TPP1: variants seen among roughly 807,000 people sequenced by gnomAD.
TPP1 encodes the protein tripeptidyl-peptidase 1.
A neutral mutation model predicts 67.6 loss-of-function variants in TPP1; 43 were observed. The ratio of observed to expected loss-of-function variants is 0.64; its 90% CI spans 0.50 to 0.82. The LOEUF (loss-of-function observed/expected upper bound fraction) is 0.82, where lower values mean the gene tolerates loss of function less well. Among genes scored for constraint, TPP1 ranks in the 40% least tolerant of loss-of-function variants. The probability of loss-of-function intolerance (pLI) is 0.00; values close to 1 mark genes in which losing one functional copy is unlikely to be tolerated. For missense variants in TPP1, 671 were observed against 710.9 expected, an observed-to-expected ratio of 0.94 and a Z score of 0.64; for synonymous variants, 272 against 281.5, an observed-to-expected ratio of 0.97 and a Z score of 0.34.
intron 1 of TPP1, 31 bp downstream of exon 1, chr11:6,619,353 C>T (rs751475786): frequency 9.3e-6 from 15 of 1,614,094 alleles, no homozygotes; most frequent in Middle Eastern, 1.6e-4. Flanking sequence ...CCAACGTGAT[C>T]CCTTTCTCCC....
intron 10 of TPP1, 46 bp downstream of exon 10, chr11:6,615,396 C>T: frequency 6.2e-7 from 1 of 1,614,058 alleles, no homozygotes; most frequent in Non-Finnish European, 8.5e-7. Flanking sequence ...CTGAGGATCC[C>T]CCATCCTCAC....
At position 6,617,064 on chromosome 11, in the gene TPP1, C is replaced by T. The variant is rs1288076104; in HGVS notation, c.598G>A (p.Val200Ile). The T allele has an allele frequency of 1.2e-6, 2 of 1,614,128 alleles. No individual in the cohort carries two copies. Among genetic ancestry groups the T allele is most frequent in the Non-Finnish European group, 1.7e-6 (2 of 1,180,000 alleles). Reference sequence around the variant, plus strand: ...CGCTTACGGATCACAGAGGGGGTTACCCCCAGATGCAGGCCTACAGTCCCT... The same window carrying T: ...CGCTTACGGATCACAGAGGGGGTTATCCCCAGATGCAGGCCTACAGTCCCT... ...VTGTVGLHLG[V>I]TPSVIRKRYN... The change falls in exon 6 of 13, where the codon GTA becomes ATA. Residue 200 changes from valine to isoleucine, a missense_variant. By Grantham distance (29) the Val-to-Ile change is conservative. Coordinates refer to ENST00000299427, the MANE Select transcript of TPP1 (RefSeq NM_000391.4).
chr11:6,617,553 C>G, intron 4 of TPP1, 73 bp downstream of exon 4: 1 of 1,613,290 alleles, frequency 6.2e-7, no homozygotes, highest in South Asian at 1.1e-5. Flanking sequence ...CCCCAGCAAG[C>G]TCTCAACTCC....
chr11:6,618,911 G>T lies in TPP1; in HGVS notation c.94C>A (p.Pro32Thr). ...SPEPDQRRTL[P>T]PGWVSLGRAD... Reference sequence around the variant, plus strand: ...CGGCCCAGGGACACCCAGCCTGGGGGCAGCCTGTAGGGTCAGGGGTCAGGG... The same window carrying T: ...CGGCCCAGGGACACCCAGCCTGGGGTCAGCCTGTAGGGTCAGGGGTCAGGG... Residue 32 changes from proline (P) to threonine (T), a missense_variant, in exon 3 of 13, where the codon CCC becomes ACC. Physicochemically the swap from Pro to Thr is conservative, Grantham distance 38 (BLOSUM62 -1). Coordinates refer to ENST00000299427, the MANE Select transcript of TPP1 (RefSeq NM_000391.4). 1 of 1,613,090 alleles carries T rather than the reference G, an allele frequency of 6.2e-7. No homozygotes were observed.
At position 6,615,171 on chromosome 11, in the gene TPP1, C is replaced by G. The variant is rs779333902; in HGVS notation, c.1425G>C (p.Ser475=). The change falls in exon 11 of 13, where the codon TCG becomes TCC. Residue 475 remains serine (S), a splice_region_variant and synonymous_variant. Transcript: ENST00000299427. The stretch of plus-strand genomic sequence containing the variant: ...AGTTTGGAGATGGGCTGATTCTCAC[C>G]GAGGTTCCGGACACCCATGGAATGG... ...RVPIPWVSGT[S]ASTPVFGGIL... is the part of the protein sequence containing the mutation. The G allele has an allele frequency of 1.2e-6, 2 of 1,614,058 alleles. No individual in the cohort carries two copies. Among genetic ancestry groups the G allele is most frequent in the Admixed American group, 3.3e-5 (2 of 60,028 alleles).
Position 6,614,670 on chromosome 11 carries a change from T to A in TPP1, c.1568A>T (p.His523Leu). The A allele has an allele frequency of 6.2e-7, 1 of 1,614,134 alleles. No individual in the cohort carries two copies. Residue 523 changes from histidine (H) to leucine (L), a missense_variant, in exon 13 of 13, where the codon CAT (histidine) becomes CTT (leucine). Physicochemically the swap from His to Leu is moderately conservative, Grantham distance 99. Coordinates refer to ENST00000299427, the MANE Select transcript of TPP1 (RefSeq NM_000391.4). ...AGLFDVTRGC[H>L]ESCLDEEVEG... ...TACCTCTTCATCCAGACAGGACTCA[T>A]GGCAGCCACGGGTTACCTAGGGAGG...
intron 5 of TPP1, 67 bp from the exon 6 acceptor site, chr11:6,617,220 C>A (rs762702090): frequency 6.2e-7 from 1 of 1,613,646 alleles, no homozygotes; most frequent in African/African-American, 1.3e-5. Context: ...ACTCACCCCA[C>A]CCCCAGTCCC....
rs1855590004 is a variant in TPP1 at position 6,616,655 on chromosome 11, TA to T, written c.886+5del. On this transcript the variant is annotated splice_donor_5th_base_variant and intron_variant, in intron 7 of 12. Transcript: ENST00000299427. ...CTTCCCCACTGTCCAGTCCTCTTGG[TA>T]GTACCAGGGCTACTGTAGACCCAGG... 3.1e-6 allele frequency: 5 copies of T among 1,613,876 alleles called. No homozygotes were observed. The African/African-American group carries it at 4.0e-5, about 13-fold the overall frequency.
In TPP1 at chr11:6,615,443, T is replaced by C; in HGVS notation, c.1265A>G (p.Gln422Arg). Residue 422 changes from glutamine to arginine, a missense_variant and splice_region_variant, in exon 10 of 13, where the codon CAG (glutamine) becomes CGG (arginine). Gln to Arg is a conservative substitution (Grantham distance 43). Coordinates refer to ENST00000299427, the MANE Select transcript of TPP1 (RefSeq NM_000391.4). ...ATCCATCCACACAAACACACGTACC[T>C]GGTATGAAGGCCGTGGGAACACATT... ...FSNVFPRPSY[Q>R]EEAVTKFLSS... 6.2e-7 allele frequency: 1 copy of C among 1,614,186 alleles called. No homozygotes were observed. The highest frequency in any genetic ancestry group is 8.5e-7 in the Non-Finnish European group (1 of 1,180,032).
chr11:6,617,943 T>A (rs1056450516), intron 3 of TPP1, 167 bp from the exon 4 acceptor site: 2 of 889,796 alleles, frequency 2.2e-6, no homozygotes, highest in African/African-American at 3.3e-5. Context: ...AAGAAAAGGC[T>A]GGAGAGACTT....
chr11:6,615,988 T>C lies in TPP1; in HGVS notation c.1145+17A>G, dbSNP rs774611561. 1 of 1,613,870 alleles carries C rather than the reference T, an allele frequency of 6.2e-7. No homozygotes were observed. The highest frequency in any genetic ancestry group is 1.1e-5 in the South Asian group (1 of 91,082). ...AAAGGTGGTGGTTATACCTGAGTGGTAGGCTAGAGTACTTACCTGGAGGCA... is the reference window on the plus strand; with the variant it reads ...AAAGGTGGTGGTTATACCTGAGTGGCAGGCTAGAGTACTTACCTGGAGGCA... On this transcript the variant is annotated intron_variant, in intron 9 of 12. Transcript: ENST00000299427.
chr11:6,616,403 C>A lies in TPP1; in HGVS notation c.987G>T (p.Glu329Asp). The A allele has an allele frequency of 6.2e-7, 1 of 1,613,972 alleles. No homozygotes were observed. The highest frequency in any genetic ancestry group is 1.3e-5 in the African/African-American group (1 of 75,004). ...HVHTVSYGDD[E>D]DSLSSAYIQR... ...GGATGTAGGCGCTGCTGAGGGAGTC[C>A]TCATCATCTCCATAGCTCACAGTAT... is the stretch of plus-strand genomic sequence containing the variant. Residue 329 changes from glutamate (E) to aspartate (D), a missense_variant, in exon 8 of 13, where the codon GAG becomes GAT. Glu to Asp is a conservative substitution (Grantham distance 45, BLOSUM62 2). Coordinates refer to ENST00000299427, the MANE Select transcript of TPP1 (RefSeq NM_000391.4).
chr11:6,618,732 C>T, intron 3 of TPP1, 44 bp downstream of exon 3: 1 of 1,611,016 alleles, frequency 6.2e-7, no homozygotes, highest in Non-Finnish European at 8.5e-7. Context: ...AGCCCTGTGT[C>T]CCTCCACCGC....
Position 6,618,926 on chromosome 11 carries a change from A to C in TPP1, c.90-11T>G. The C allele has an allele frequency of 6.2e-7, 1 of 1,612,304 alleles. No homozygotes were observed. The highest frequency in any genetic ancestry group is 8.5e-7 in the Non-Finnish European group (1 of 1,179,984). ...CAGCCTGGGGGCAGCCTGTAGGGTC[A>C]GGGGTCAGGGACATGGCTTTGGTTA... On this transcript the variant is annotated splice_polypyrimidine_tract_variant and intron_variant, in intron 2 of 12. Coordinates refer to ENST00000299427, the MANE Select transcript of TPP1 (RefSeq NM_000391.4).
chr11:6,617,516 C>T (rs968311854), intron 4 of TPP1, 88 bp from the exon 5 acceptor site: 11 of 1,611,736 alleles, frequency 6.8e-6, no homozygotes, highest in Admixed American at 1.7e-5. Context: ...GTCACTGTCT[C>T]CCCATGCATT....
At position 6,617,106 on chromosome 11, in the gene TPP1, G is replaced by A. The variant is rs1855598679; in HGVS notation, c.556C>T (p.Pro186Ser). The A allele has an allele frequency of 5.6e-6, 9 of 1,614,042 alleles. No individual in the cohort carries two copies. Among genetic ancestry groups the A allele is most frequent in the Admixed American group, 3.3e-5 (2 of 59,998 alleles). ...ACAGTCCCTGTCACCTGCGGCTCAG[G>A]ACGTTGCCTCAGGGATGATGTTGGG... The part of the protein sequence containing the change: ...FPPTSSLRQR[P>S]EPQVTGTVGL... Residue 186 changes from proline (P) to serine (S), a missense_variant, in exon 6 of 13, where the codon CCT becomes TCT. By Grantham distance (74) the Pro-to-Ser change is moderately conservative. Coordinates refer to ENST00000299427, the MANE Select transcript of TPP1 (RefSeq NM_000391.4).
In TPP1 at chr11:6,614,209, G is replaced by T; in HGVS notation, c.*337C>A. 1 of 368,406 alleles carries T rather than the reference G, an allele frequency of 2.7e-6. No individual in the cohort carries two copies. Among genetic ancestry groups the T allele is most frequent in the Non-Finnish European group, 5.2e-6 (1 of 193,740 alleles). 22.8% of individuals were successfully genotyped at this position (368,406 alleles called of 1,614,324 possible). On this transcript the variant is annotated 3_prime_UTR_variant, in exon 13 of 13. Coordinates refer to ENST00000299427, the MANE Select transcript of TPP1 (RefSeq NM_000391.4). ...GTCTCCTTGCAGTGAATTGGGGAAT[G>T]AATATCAAGTGAAATAGTGCACAGA...
At position 6,617,741 on chromosome 11, in the gene TPP1, C is replaced by T. The variant is rs754615268; in HGVS notation, c.265G>A (p.Val89Met). The T allele has an allele frequency of 8.1e-6, 13 of 1,614,206 alleles. No individual in the cohort carries two copies. In the East Asian group the frequency reaches 2.9e-4, roughly 36 times the overall value. The part of the protein sequence containing the change: ...YLTLENVADL[V>M]RPSPLTLHTV... ...TGGAGGGTCAGTGGGGATGGCCTCA[C>T]CAGATCAGCCACATTCTCTAGGGTC... The change falls in exon 4 of 13, where the codon GTG (valine) becomes ATG (methionine). Residue 89 changes from valine to methionine, a missense_variant. Transcript: ENST00000299427.
intron 3 of TPP1, chr11:6,618,152 A>G (rs1475438696): frequency 5.6e-6 from 2 of 359,640 alleles, no homozygotes; most frequent in Non-Finnish European, 1.1e-5. Context: ...AAATTTGCAT[A>G]CTTGTTGATT....
Sources: allele counts gnomAD v4.1 joint callset, GRCh38; gene constraint gnomAD v4.1.1; transcripts MANE v1.5; gene names NCBI Gene and HGNC (gene_info 2026-07-23, HGNC 2026-07-21).